Variants in UBE2Q2 observed in about 807,000 individuals in gnomAD.
UBE2Q2 encodes ubiquitin conjugating enzyme E2 Q2.
UBE2Q2 carries 54 observed loss-of-function variants against 59.9 expected under a neutral mutation model. That is an observed-to-expected ratio of 0.90 (90% CI 0.72 to 1.13). The LOEUF (loss-of-function observed/expected upper bound fraction) is 1.13, where lower values mean the gene tolerates loss of function less well. UBE2Q2 is among the 50% of genes most tolerant of loss of function. UBE2Q2 has a pLI of 0.00. For missense variants in UBE2Q2, 433 were observed against 441.9 expected (o/e 0.98, Z 0.18); for synonymous variants, 165 against 155.2 (o/e 1.06, Z -0.47).
intron 2 of UBE2Q2, among the ~76,000 whole-genome samples, chr15:75,854,876 A>T (rs1465093559): frequency 1.3e-5 from 2 of 152,214 alleles, no homozygotes; most frequent in African/African-American, 4.8e-5. Flanking sequence ...AAGGGTCTGT[A>T]AGTCTGCAGT....
chr15:75,873,093 T>C (rs1235865369), intron 4 of UBE2Q2, among the ~76,000 whole-genome samples: 2 of 152,216 alleles, frequency 1.3e-5, no homozygotes, highest in African/African-American at 4.8e-5. Flanking sequence ...TGGAACAAAC[T>C]AGGAACACTT....
chr15:75,854,246 A>T, intron 1 of UBE2Q2, 140 bp from the exon 2 acceptor site: 1 of 555,810 alleles, frequency 1.8e-6, no homozygotes. Context: ...AGCTCCTCAC[A>T]AGGTTTTTAA....
intron 2 of UBE2Q2, among the ~76,000 whole-genome samples, chr15:75,859,276 T>TA (rs1252730336): frequency 2.0e-5 from 3 of 152,222 alleles, no homozygotes; most frequent in African/African-American, 4.8e-5. Context: ...TATCAAGTGT[T>TA]ACAGGTTTCA....
At chr15:75,858,801 T>TCAAATC (rs945055349) in intron 2 of UBE2Q2, among the ~76,000 whole-genome samples, 2 of 152,228 alleles carry the variant, frequency 1.3e-5, no homozygotes, top group African/African-American at 2.4e-5. Flanking sequence ...TGGGTGGATA[T>TCAAATC]CAAATCCACA....
intron 8 of UBE2Q2, among the ~76,000 whole-genome samples, chr15:75,882,547 AT>A (rs1426929784): frequency 6.6e-6 from 1 of 152,146 alleles, no homozygotes; most frequent in Non-Finnish European, 1.5e-5. Context: ...GTTAAATGAA[AT>A]TGTACTTTAC....
intron 9 of UBE2Q2, 94 bp from the exon 10 acceptor site, chr15:75,890,341 C>G: frequency 1.1e-6 from 1 of 878,496 alleles, no homozygotes; most frequent in Non-Finnish European, 1.8e-6. Flanking sequence ...CTCATCCTTA[C>G]TTGTGTGCAT....
At chr15:75,890,070 GGTAGAGAAAGT>G (rs138032705) in intron 9 of UBE2Q2, among the ~76,000 whole-genome samples, 30,025 of 152,100 alleles carry the variant, frequency 0.2, 3,349 homozygotes, top group Admixed American at 0.29. Context: ...GCTGTAACAT[GGTAGAGAAAGT>G]TTCAGATGTA....
chr15:75,860,650 T>C (rs1046751524), intron 3 of UBE2Q2, among the ~76,000 whole-genome samples: 1 of 152,178 alleles, frequency 6.6e-6, no homozygotes, highest in African/African-American at 2.4e-5. Flanking sequence ...TTGCAGTGTC[T>C]TCCTCATAAT....
intron 2 of UBE2Q2, among the ~76,000 whole-genome samples, chr15:75,857,053 G>T (rs1896955701): frequency 6.6e-6 from 1 of 152,160 alleles, no homozygotes; most frequent in South Asian, 2.1e-4. Flanking sequence ...TTGAGCCCAG[G>T]AGTTTGAGAT....
chr15:75,854,069 G>C (rs567524675), intron 1 of UBE2Q2, among the ~76,000 whole-genome samples: 19 of 152,166 alleles, frequency 1.2e-4, no homozygotes, highest in Non-Finnish European at 1.8e-4. Context: ...TTAGAAGTGA[G>C]TCACTAGGTC....
At chr15:75,854,529 C>T in intron 2 of UBE2Q2, 42 bp downstream of exon 2, 2 of 1,220,848 alleles carry the variant, frequency 1.6e-6, no homozygotes, top group Non-Finnish European at 1.2e-6. Flanking sequence ...TCCTCATGAA[C>T]ATTACATATA....
At chr15:75,861,196 G>A (rs1266078962) in intron 3 of UBE2Q2, among the ~76,000 whole-genome samples, 2 of 152,222 alleles carry the variant, frequency 1.3e-5, no homozygotes, top group African/African-American at 2.4e-5. Context: ...CCCCATCAAC[G>A]TTGACTTCTG....
At chr15:75,887,769 T>C (rs1488246848) in intron 9 of UBE2Q2, among the ~76,000 whole-genome samples, 2 of 152,128 alleles carry the variant, frequency 1.3e-5, no homozygotes, top group Admixed American at 1.3e-4. Context: ...GCTGTTGTCT[T>C]AGAGTGAAGT....
intron 3 of UBE2Q2, among the ~76,000 whole-genome samples, chr15:75,864,367 C>G (rs1039866939): frequency 2.0e-5 from 3 of 151,852 alleles, no homozygotes; most frequent in African/African-American, 4.8e-5. Context: ...CACAACTGGT[C>G]ATGGTAGGGG....
At chr15:75,866,486 TG>T (rs1897486490) in intron 3 of UBE2Q2, among the ~76,000 whole-genome samples, 2 of 152,336 alleles carry the variant, frequency 1.3e-5, no homozygotes, top group South Asian at 2.1e-4. Flanking sequence ...AGTATTCCTA[TG>T]GGGCTTTCAG....
At position 75,873,489 on chromosome 15, in the gene UBE2Q2, CAG is replaced by C; in HGVS notation, c.512_513del (p.Glu171GlyfsTer2). 1 of 1,613,504 alleles carries C rather than the reference CAG, an allele frequency of 6.2e-7. No homozygotes were observed. The highest frequency in any genetic ancestry group is 8.5e-7 in the Non-Finnish European group (1 of 1,179,792). On this transcript the variant is annotated frameshift_variant, in exon 5 of 13. Transcript: ENST00000267938. LOFTEE classifies it high-confidence loss of function. ...GAAGAGCCTATTAGTGGGAAAAAGT[CAG>C]AGGATGAAGGAATTGAAAAAGAAAA...
intron 1 of UBE2Q2, among the ~76,000 whole-genome samples, chr15:75,845,565 C>T (rs1896302181): frequency 6.6e-6 from 1 of 152,144 alleles, no homozygotes; most frequent in Non-Finnish European, 1.5e-5. Context: ...TGGGGAGCTA[C>T]TAAGTTTACT....
chr15:75,872,176 C>T (rs970474674), intron 4 of UBE2Q2, among the ~76,000 whole-genome samples: 2 of 151,604 alleles, frequency 1.3e-5, no homozygotes, highest in Admixed American at 6.6e-5. Flanking sequence ...TGCAGTGAGC[C>T]GAGATCTTGT....
chr15:75,845,667 G>A (rs891927747), intron 1 of UBE2Q2, among the ~76,000 whole-genome samples: 16 of 152,182 alleles, frequency 1.1e-4, no homozygotes, highest in African/African-American at 3.9e-4. Context: ...CCCAGTGGGG[G>A]TGGGGTGGTC....
Sources: gnomAD v4.1 joint callset for allele counts (sites outside exome capture counted in the v4.1 genomes callset) on GRCh38, gnomAD v4.1.1 for gene constraint, MANE v1.5 for transcripts, NCBI Gene and HGNC (gene_info 2026-07-23, HGNC 2026-07-21) for gene names.